ZFHX4: variants seen among roughly 807,000 people sequenced by gnomAD.
ZFHX4 encodes zinc finger homeobox 4.
Under a neutral mutation model 267.6 loss-of-function variants are expected in ZFHX4, and 56 were observed. The observed-to-expected ratio is 0.21, with a 90% confidence interval of 0.17 to 0.26. ZFHX4 has a LOEUF of 0.26. Among genes scored for constraint, ZFHX4 ranks in the 10% least tolerant of loss-of-function variants. ZFHX4 has a pLI of 1.00. For missense variants in ZFHX4, 4,332 were observed against 4,420.0 expected, an observed-to-expected ratio of 0.98 and a Z score of 0.56; for synonymous variants, 1,778 against 1,665.6, an observed-to-expected ratio of 1.07 and a Z score of -1.64.
intron 3 of ZFHX4, among the ~76,000 whole-genome samples, chr8:76,747,855 C>A (rs1383766020): frequency 6.6e-6 from 1 of 152,092 alleles, no homozygotes; most frequent in East Asian, 1.9e-4. Flanking sequence ...TCACTTGAAC[C>A]TGGGAGGCGG....
At chr8:76,741,143 G>A (rs796827456) in intron 3 of ZFHX4, among the ~76,000 whole-genome samples, 18 of 152,248 alleles carry the variant, frequency 1.2e-4, no homozygotes, top group African/African-American at 4.3e-4. Flanking sequence ...AACCTGCTAG[G>A]AGAAGATGAT....
chr8:76,779,575 A>T (rs1013528791), intron 4 of ZFHX4, among the ~76,000 whole-genome samples: 1 of 152,162 alleles, frequency 6.6e-6, no homozygotes. Context: ...ACCCGGACCA[A>T]TGAGGGCACT....
intron 3 of ZFHX4, among the ~76,000 whole-genome samples, chr8:76,728,244 C>T (rs1386130768): frequency 6.6e-6 from 1 of 152,140 alleles, no homozygotes; most frequent in Non-Finnish European, 1.5e-5. Flanking sequence ...TGTGTAATAG[C>T]TTTCCCATCC....
In ZFHX4 at chr8:76,681,464, TTTA is replaced by T. The variant is rs1387303350; in HGVS notation, c.-200_-198del. 9 of 398,368 alleles carry T rather than the reference TTTA, an allele frequency of 2.3e-5. No homozygotes were observed. The East Asian group carries it at 2.9e-4, about 13-fold the overall frequency. 24.7% of individuals were successfully genotyped at this position (398,368 alleles called of 1,614,324 possible). ...GCCCCCCACTTTCTGCTCCAGCGTT[TTTA>T]TTTTCACCCAATAAAGTTCGAGGAT... On this transcript the variant is annotated 5_prime_UTR_variant, in exon 1 of 11. Coordinates refer to ENST00000651372, the MANE Select transcript of ZFHX4 (RefSeq NM_024721.5).
chr8:76,819,167 T>C (rs1811580990), intron 4 of ZFHX4, among the ~76,000 whole-genome samples: 3 of 140,210 alleles, frequency 2.1e-5, no homozygotes, highest in African/African-American at 5.3e-5. Context: ...TTTTTTTAAC[T>C]CACAAAAAGT....
At position 76,705,939 on chromosome 8, in the gene ZFHX4, G is replaced by T. The variant is rs1585865743; in HGVS notation, c.1851G>T (p.Lys617Asn). 1.9e-6 allele frequency: 3 copies of T among 1,613,592 alleles called. No individual in the cohort carries two copies. Among genetic ancestry groups the T allele is most frequent in the East Asian group, 4.5e-5 (2 of 44,824 alleles). ...GSPGSGIECP[K>N]CDTVLGSSRS... ...CGGGCAGTGGCATCGAGTGTCCAAAGTGCGACACTGTGTTGGGGTCTTCGA... is the reference window on the plus strand; with the variant it reads ...CGGGCAGTGGCATCGAGTGTCCAAATTGCGACACTGTGTTGGGGTCTTCGA... The change falls in exon 2 of 11, where the codon AAG becomes AAT. Residue 617 changes from lysine to asparagine, a missense_variant. This residue lies in a region of ZFHX4 where 1,195 missense variants were observed against 1,173.6 expected (regional missense o/e 1.02). Transcript: ENST00000651372.
At chr8:76,747,468 C>G (rs1442977710) in intron 3 of ZFHX4, among the ~76,000 whole-genome samples, 1 of 152,158 alleles carries the variant, frequency 6.6e-6, no homozygotes, top group East Asian at 1.9e-4. Flanking sequence ...TTGTTCCCCT[C>G]TTTGTGTCCA....
chr8:76,770,837 A>T (rs1031137328), intron 3 of ZFHX4, among the ~76,000 whole-genome samples: 2 of 152,174 alleles, frequency 1.3e-5, no homozygotes, highest in African/African-American at 4.8e-5. Context: ...ACTCAGAATG[A>T]ACCTTACACT....
intron 3 of ZFHX4, among the ~76,000 whole-genome samples, chr8:76,754,352 G>C (rs903835535): frequency 4.6e-5 from 7 of 152,170 alleles, no homozygotes; most frequent in South Asian, 2.1e-4. Context: ...AGCCGGGCAT[G>C]GTGGTGCGCA....
chr8:76,825,938 G>A (rs973353579), intron 4 of ZFHX4, among the ~76,000 whole-genome samples: 1 of 152,176 alleles, frequency 6.6e-6, no homozygotes, highest in Non-Finnish European at 1.5e-5. Flanking sequence ...CCAAAGAAAT[G>A]CAGCTTGCTT....
At chr8:76,824,598 G>A (rs1297893482) in intron 4 of ZFHX4, among the ~76,000 whole-genome samples, 1 of 151,852 alleles carries the variant, frequency 6.6e-6, no homozygotes, top group Non-Finnish European at 1.5e-5. Flanking sequence ...TTTGAGACAG[G>A]GTCTCACTTT....
In ZFHX4 at chr8:76,689,644, T is replaced by G. The variant is rs140157592; in HGVS notation, c.-47+8024T>G. Among the ~76,000 whole-genome samples, 46 of 152,226 alleles carry G rather than the reference T, an allele frequency of 3.0e-4. 1 individual carries two copies. In the East Asian group the frequency reaches 7.9e-3, roughly 26 times the overall value. On this transcript the variant is annotated intron_variant, in intron 1 of 10. Coordinates refer to ENST00000651372, the MANE Select transcript of ZFHX4 (RefSeq NM_024721.5). ...CTTGTGATCTTGCTGGACTTGATGT[T>G]CTGTTAATTCCCTAGTTTCAGAGGT... is the stretch of plus-strand genomic sequence containing the variant.
chr8:76,860,606 G>A (rs940263373), intron 10 of ZFHX4, among the ~76,000 whole-genome samples: 10 of 152,052 alleles, frequency 6.6e-5, no homozygotes, highest in African/African-American at 2.4e-4. Flanking sequence ...AATTATTTAT[G>A]AGGAAGTTGT....
Position 76,853,629 on chromosome 8 carries a change from C to T in ZFHX4, c.6708C>T (p.Tyr2236=), listed in dbSNP as rs2728455. ...CTTCTAGAACGAGATTTACTGACTA[C>T]CAGCTTAGGGTTCTGCAAGACTTTT... ...KRSSRTRFTD[Y]QLRVLQDFFD... The change falls in exon 10 of 11, where the codon TAC becomes TAT. Residue 2236 remains tyrosine (Y), a synonymous_variant. Transcript: ENST00000651372. The T allele has an allele frequency of 0.25, 398,557 of 1,613,358 alleles. 52,680 individuals carry two copies. Among genetic ancestry groups the T allele is most frequent in the Non-Finnish European group, 0.27 (320,170 of 1,179,640 alleles).
chr8:76,719,149 CATGTGTGTGT>C (rs1808653636), intron 3 of ZFHX4, among the ~76,000 whole-genome samples: 1 of 112,184 alleles, frequency 8.9e-6, no homozygotes, highest in South Asian at 2.9e-4. Flanking sequence ...GGATGAATTG[CATGTGTGTGT>C]GTGTGTGTGT....
At chr8:76,696,363 C>T (rs149563517) in intron 1 of ZFHX4, among the ~76,000 whole-genome samples, 227 of 152,130 alleles carry the variant, frequency 1.5e-3, no homozygotes, top group African/African-American at 5.2e-3. Context: ...TCCTGAGATA[C>T]TTTTCCTGTA....
chr8:76,742,060 C>T (rs1809331942), intron 3 of ZFHX4, among the ~76,000 whole-genome samples: 1 of 152,126 alleles, frequency 6.6e-6, no homozygotes, highest in Non-Finnish European at 1.5e-5. Context: ...AGTGCTTCCA[C>T]ATAAATAGAT....
intron 3 of ZFHX4, among the ~76,000 whole-genome samples, chr8:76,763,336 T>G (rs796350170): frequency 4.6e-5 from 7 of 152,236 alleles, no homozygotes; most frequent in African/African-American, 1.7e-4. Context: ...AGGATAAGAT[T>G]AAGAAAGTGA....
At chr8:76,859,766 T>A (rs1812820327) in intron 10 of ZFHX4, among the ~76,000 whole-genome samples, 1 of 152,092 alleles carries the variant, frequency 6.6e-6, no homozygotes. Context: ...TTTGGCCCCA[T>A]GTACATAATT....
Sources: gnomAD v4.1 joint callset for allele counts (sites outside exome capture counted in the v4.1 genomes callset) on GRCh38, gnomAD v4.1.1 for gene constraint, gnomAD v4.1.1 regional missense constraint, MANE v1.5 for transcripts, NCBI Gene and HGNC (gene_info 2026-07-23, HGNC 2026-07-21) for gene names.